PUS7: variants seen among roughly 807,000 people sequenced by gnomAD.
PUS7 encodes pseudouridylate synthase 7 homolog.
PUS7 carries 48 observed loss-of-function variants against 79.8 expected under a neutral mutation model. The ratio of observed to expected loss-of-function variants is 0.60; its 90% CI spans 0.48 to 0.76. The LOEUF is 0.76. Among genes scored for constraint, PUS7 ranks in the 30% least tolerant of loss-of-function variants. The pLI is 0.00. For synonymous variants in PUS7, 286 were observed against 272.2 expected (o/e 1.05, Z -0.50); for missense variants, 729 against 797.6 (o/e 0.91, Z 1.04).
intron 7 of PUS7, among the ~76,000 whole-genome samples, chr7:105,486,574 T>C (rs1192957869): frequency 6.6e-6 from 1 of 152,084 alleles, no homozygotes; most frequent in Non-Finnish European, 1.5e-5. Context: ...AGGATCAGTA[T>C]GAACAGAGTG....
rs1320001918 is a variant in PUS7 at position 105,498,499 on chromosome 7, G to A, written c.731-3246C>T. ...GGCCTAACAAGGCAGTCCCAGTCTAGCAGAAATGGAAACCAGATAAAAGGG... is the reference window on the plus strand; with the variant it reads ...GGCCTAACAAGGCAGTCCCAGTCTAACAGAAATGGAAACCAGATAAAAGGG... On this transcript the variant is annotated intron_variant, in intron 5 of 15. Coordinates refer to ENST00000469408, the MANE Select transcript of PUS7 (RefSeq NM_019042.5). 3.3e-5 allele frequency among the ~76,000 whole-genome samples: 5 copies of A among 152,310 alleles called. No homozygotes were observed. The East Asian group carries it at 9.6e-4, about 29-fold the overall frequency.
intron 2 of PUS7, 103 bp downstream of exon 2, chr7:105,508,012 A>G: frequency 7.1e-7 from 1 of 1,400,756 alleles, no homozygotes; most frequent in Non-Finnish European, 9.4e-7. Flanking sequence ...AGTATAAACA[A>G]GCCTTGGAGA....
At chr7:105,502,322 C>T (rs1825285589) in intron 5 of PUS7, 98 bp downstream of exon 5, 1 of 1,427,940 alleles carries the variant, frequency 7.0e-7, no homozygotes, top group Admixed American at 1.9e-5. Context: ...CTGAGCAGCA[C>T]TATAGTAGCC....
rs770998117 is a variant in PUS7, at chr7:105,468,380, G to T, written c.1482C>A (p.Asp494Glu). The part of the protein sequence containing the change: ...WNNMVSKRIE[D>E]YGLKPVPGDL... ...CCCCTGGAACAGGTTTTAGTCCATA[G>T]TCTTCTATCCTCTTGCTTACCATGT... Residue 494 changes from aspartate to glutamate, a missense_variant, in exon 12 of 16, where the codon GAC (aspartate) becomes GAA (glutamate). Asp to Glu is a conservative substitution (Grantham distance 45). Transcript: ENST00000469408. 8.1e-6 allele frequency: 13 copies of T among 1,613,500 alleles called. No individual in the cohort carries two copies. The South Asian group carries it at 1.3e-4, about 16-fold the overall frequency.
chr7:105,515,739 C>T (rs1322458971), intron 1 of PUS7, among the ~76,000 whole-genome samples: 2 of 151,358 alleles, frequency 1.3e-5, no homozygotes, highest in African/African-American at 2.4e-5. Context: ...GCAATTCTCA[C>T]GCCTCAGCCT....
In PUS7 at chr7:105,503,984, G is replaced by A. The variant is rs553049078; in HGVS notation, c.586-1420C>T. On this transcript the variant is annotated intron_variant, in intron 4 of 15. Transcript: ENST00000469408. ...GCTGGTTGAGATCCACTACTAAACTGATTTCATGACCCATTAATGGGTTGT... is the reference window on the plus strand; with the variant it reads ...GCTGGTTGAGATCCACTACTAAACTAATTTCATGACCCATTAATGGGTTGT... Among the ~76,000 whole-genome samples, 3 of 151,536 alleles carry A rather than the reference G, an allele frequency of 2.0e-5. No homozygotes were observed. In the East Asian group the frequency reaches 5.9e-4, roughly 30 times the overall value.
intron 1 of PUS7, among the ~76,000 whole-genome samples, chr7:105,521,031 T>TA (rs1185961586): frequency 6.6e-6 from 1 of 152,026 alleles, no homozygotes; most frequent in Non-Finnish European, 1.5e-5. Flanking sequence ...AAAATAAAAA[T>TA]AAAAAAACCA....
chr7:105,491,217 G>A (rs1451070435), intron 7 of PUS7, among the ~76,000 whole-genome samples: 1 of 151,916 alleles, frequency 6.6e-6, no homozygotes, highest in Non-Finnish European at 1.5e-5. Flanking sequence ...ACAGACTATT[G>A]CTTTTATCTG....
intron 9 of PUS7, among the ~76,000 whole-genome samples, chr7:105,472,724 TG>T (rs1224484414): frequency 6.6e-6 from 1 of 152,166 alleles, no homozygotes; most frequent in Admixed American, 6.6e-5. Flanking sequence ...TACATAGTCA[TG>T]CTTTAAGTAG....
Position 105,508,547 on chromosome 7 carries a change from G to A in PUS7, c.-32-3C>T. The A allele has an allele frequency of 6.3e-7, 1 of 1,587,794 alleles. No individual in the cohort carries two copies. Among genetic ancestry groups the A allele is most frequent in the South Asian group, 1.2e-5 (1 of 85,906 alleles). ...TCCAAGAAAACATTTAAGAAAACCT[G>A]TTAGGAAAGAGTAGAAAGTAACAAT... On this transcript the variant is annotated splice_region_variant and splice_polypyrimidine_tract_variant and intron_variant, in intron 1 of 15. Coordinates refer to ENST00000469408, the MANE Select transcript of PUS7 (RefSeq NM_019042.5).
At position 105,509,674 on chromosome 7, in the gene PUS7, C is replaced by T. The variant is rs550765320; in HGVS notation, c.-32-1130G>A. ...TTATTTTTCTGTAAAGACTAGGTCT[C>T]GCTATTATTGCTCAGTCTGGTCTTG... On this transcript the variant is annotated intron_variant, in intron 1 of 15. Coordinates refer to ENST00000469408, the MANE Select transcript of PUS7 (RefSeq NM_019042.5). Among the ~76,000 whole-genome samples, 4 of 152,140 alleles carry T rather than the reference C, an allele frequency of 2.6e-5. No individual in the cohort carries two copies. In the South Asian group the frequency reaches 6.2e-4, roughly 24 times the overall value.
chr7:105,499,954 A>T (rs1825182380), intron 5 of PUS7, among the ~76,000 whole-genome samples: 1 of 152,132 alleles, frequency 6.6e-6, no homozygotes, highest in Non-Finnish European at 1.5e-5. Context: ...CTCCTTTCCT[A>T]GGGGTGTTCA....
intron 12 of PUS7, among the ~76,000 whole-genome samples, chr7:105,467,455 A>C (rs1203156700): frequency 6.6e-6 from 1 of 151,294 alleles, no homozygotes; most frequent in Admixed American, 6.6e-5. Flanking sequence ...ACGCCCGGCT[A>C]ATTTTTTGTA....
At chr7:105,462,396 T>C in intron 14 of PUS7, 1 of 458,922 alleles carries the variant, frequency 2.2e-6, no homozygotes, top group Non-Finnish European at 3.8e-6. Flanking sequence ...CATGCTATTG[T>C]GCTCCAGCCT....
chr7:105,509,754 T>C (rs1201326937), intron 1 of PUS7, among the ~76,000 whole-genome samples: 1 of 152,182 alleles, frequency 6.6e-6, no homozygotes, highest in Non-Finnish European at 1.5e-5. Flanking sequence ...GTTGGGAATA[T>C]AGGTGTGAGC....
chr7:105,510,308 A>T (rs113412684), intron 1 of PUS7, among the ~76,000 whole-genome samples: 77 of 152,184 alleles, frequency 5.1e-4, no homozygotes, highest in African/African-American at 1.4e-3. Flanking sequence ...CTCCAAAAAA[A>T]AAATAAATAA....
chr7:105,471,843 C>T (rs1376361263), intron 10 of PUS7, among the ~76,000 whole-genome samples: 1 of 146,434 alleles, frequency 6.8e-6, no homozygotes, highest in African/African-American at 2.5e-5. Context: ...ACCCAGGAGG[C>T]AGAGGTTGCA....
At chr7:105,479,231 C>T (rs1432831961) in intron 9 of PUS7, among the ~76,000 whole-genome samples, 1 of 152,136 alleles carries the variant, frequency 6.6e-6, no homozygotes, top group African/African-American at 2.4e-5. Context: ...TCTGTTTTCA[C>T]CTGAGCTTTT....
chr7:105,459,377 T>C lies in PUS7; in HGVS notation c.1758-118A>G, dbSNP rs528713980. On this transcript the variant is annotated intron_variant, in intron 14 of 15. Coordinates refer to ENST00000469408, the MANE Select transcript of PUS7 (RefSeq NM_019042.5). ...GTAAGTTTACTGTAAATAATTATAG[T>C]TAGGAATCTTGAATAATATAGCAGG... is the stretch of plus-strand genomic sequence containing the variant. The C allele has an allele frequency of 1.5e-5, 8 of 541,326 alleles. No homozygotes were observed. The East Asian group carries it at 2.6e-4, about 18-fold the overall frequency. The allele number at this position is 541,326 out of a possible 1,614,324, so 33.5% of individuals were successfully genotyped here. A position where few individuals can be genotyped will look rare whatever the true frequency, so the allele number is the denominator to read the frequency against.
Sources: gnomAD v4.1 joint callset for allele counts (sites outside exome capture counted in the v4.1 genomes callset) on GRCh38, gnomAD v4.1.1 for gene constraint, MANE v1.5 for transcripts, NCBI Gene and HGNC (gene_info 2026-07-23, HGNC 2026-07-21) for gene names.